Variants in BACH2 observed in about 807,000 individuals in gnomAD.
BACH2 encodes BACH transcriptional regulator 2, also known as transcription regulator protein BACH2.
Under a neutral mutation model 61.8 loss-of-function variants are expected in BACH2, and 5 were observed. The ratio of observed to expected loss-of-function variants is 0.08; its 90% CI spans 0.04 to 0.17. The LOEUF is 0.17. Ranked by LOEUF, BACH2 falls within the 10% of genes least tolerant of loss-of-function variation. The pLI is 1.00. For missense variants in BACH2, 824 were observed against 1,091.1 expected (o/e 0.76, Z 3.45); for synonymous variants, 446 against 440.1 (o/e 1.01, Z -0.17).
intron 4 of BACH2, among the ~76,000 whole-genome samples, chr6:90,188,620 G>T (rs1768442541): frequency 6.6e-6 from 1 of 151,954 alleles, no homozygotes; most frequent in Admixed American, 6.6e-5. Context: ...CTGATCATTT[G>T]TAAGCTTATT....
chr6:89,976,096 GTA>G (rs1775635630), intron 6 of BACH2, among the ~76,000 whole-genome samples: 1 of 152,184 alleles, frequency 6.6e-6, no homozygotes. Context: ...TCATGCCTGA[GTA>G]TCACTTCTCC....
At chr6:90,157,953 C>G (rs1403500753) in intron 4 of BACH2, among the ~76,000 whole-genome samples, 1 of 152,012 alleles carries the variant, frequency 6.6e-6, no homozygotes, top group African/African-American at 2.4e-5. Flanking sequence ...GATAAAATTG[C>G]AACTGTATTA....
intron 4 of BACH2, among the ~76,000 whole-genome samples, chr6:90,133,639 G>C (rs1294800387): frequency 1.3e-5 from 2 of 152,160 alleles, no homozygotes; most frequent in African/African-American, 2.4e-5. Flanking sequence ...GTGCTGCACT[G>C]ATTAAGTCGT....
chr6:89,962,983 T>C (rs556294564), intron 6 of BACH2, among the ~76,000 whole-genome samples: 3 of 152,270 alleles, frequency 2.0e-5, no homozygotes, highest in East Asian at 1.9e-4. Context: ...AGGGTTGATA[T>C]ATAAAGAACC....
chr6:90,211,177 A>G (rs1317737605), intron 3 of BACH2, among the ~76,000 whole-genome samples: 1 of 151,714 alleles, frequency 6.6e-6, no homozygotes, highest in African/African-American at 2.4e-5. Context: ...TCTAAGAAGA[A>G]GAGAGAAATG....
intron 4 of BACH2, among the ~76,000 whole-genome samples, chr6:90,180,881 ACAC>A (rs1276088862): frequency 4.6e-5 from 7 of 152,124 alleles, no homozygotes; most frequent in African/African-American, 1.7e-4. Flanking sequence ...ACACACACAC[ACAC>A]ACACACATTC....
intron 4 of BACH2, among the ~76,000 whole-genome samples, chr6:90,173,785 T>C (rs1416639029): frequency 1.3e-5 from 2 of 152,132 alleles, no homozygotes; most frequent in African/African-American, 4.8e-5. Context: ...CCAAAATTCA[T>C]CAAACTGTAC....
At chr6:90,243,136 C>T (rs974783789) in intron 3 of BACH2, among the ~76,000 whole-genome samples, 10 of 150,586 alleles carry the variant, frequency 6.6e-5, no homozygotes, top group Admixed American at 4.6e-4. Context: ...TCAGGTGCTC[C>T]GCCCGCCTCA....
chr6:90,151,666 A>G (rs1319812067), intron 4 of BACH2, among the ~76,000 whole-genome samples: 1 of 152,198 alleles, frequency 6.6e-6, no homozygotes, highest in Non-Finnish European at 1.5e-5. Context: ...GGTAGGAACT[A>G]TGTGATTTTC....
At chr6:90,129,470 T>G (rs1784005912) in intron 4 of BACH2, among the ~76,000 whole-genome samples, 1 of 152,050 alleles carries the variant, frequency 6.6e-6, no homozygotes, top group Non-Finnish European at 1.5e-5. Flanking sequence ...CAGGCCATGG[T>G]GTGTGTTGTT....
chr6:89,963,244 G>A (rs533253033), intron 6 of BACH2, among the ~76,000 whole-genome samples: 1 of 152,146 alleles, frequency 6.6e-6, no homozygotes, highest in African/African-American at 2.4e-5. Flanking sequence ...AAGTGTCAGC[G>A]AGGCCGTGGA....
intron 5 of BACH2, among the ~76,000 whole-genome samples, chr6:90,028,270 G>T (rs1778739834): frequency 1.3e-5 from 2 of 152,124 alleles, no homozygotes; most frequent in African/African-American, 4.8e-5. Context: ...TGCTCTTATG[G>T]GCACTTAGCC....
intron 4 of BACH2, among the ~76,000 whole-genome samples, chr6:90,101,027 T>C (rs768476372): frequency 2.0e-5 from 3 of 152,222 alleles, no homozygotes; most frequent in Admixed American, 6.5e-5. Flanking sequence ...TTCATTCACT[T>C]ACTGGCCATT....
At chr6:90,047,567 T>C (rs887381129) in intron 5 of BACH2, among the ~76,000 whole-genome samples, 15 of 152,328 alleles carry the variant, frequency 9.8e-5, no homozygotes, top group African/African-American at 3.6e-4. Context: ...GTATCCTTGA[T>C]GAAGCTGAGC....
chr6:89,957,654 A>C (rs1280172149), intron 6 of BACH2, among the ~76,000 whole-genome samples: 1 of 152,028 alleles, frequency 6.6e-6, no homozygotes, highest in East Asian at 1.9e-4. Flanking sequence ...GATTCTCCCA[A>C]CTCAGCCTCT....
chr6:90,043,809 A>G (rs1224012079), intron 5 of BACH2, among the ~76,000 whole-genome samples: 9 of 152,174 alleles, frequency 5.9e-5, no homozygotes, highest in Admixed American at 5.9e-4. Flanking sequence ...TCCTGCAGGC[A>G]CAGTTGGGAG....
At chr6:90,225,012 C>T (rs1769863843) in intron 3 of BACH2, among the ~76,000 whole-genome samples, 1 of 152,158 alleles carries the variant, frequency 6.6e-6, no homozygotes, top group Non-Finnish European at 1.5e-5. Flanking sequence ...ATTCATTCAA[C>T]AATTTACTGA....
At chr6:90,085,431 A>C (rs1416314824) in intron 5 of BACH2, among the ~76,000 whole-genome samples, 1 of 152,170 alleles carries the variant, frequency 6.6e-6, no homozygotes, top group Non-Finnish European at 1.5e-5. Context: ...CTGGTTTACA[A>C]ACACCCATCT....
intron 4 of BACH2, among the ~76,000 whole-genome samples, chr6:90,119,060 A>G (rs1783517560): frequency 6.6e-6 from 1 of 152,240 alleles, no homozygotes; most frequent in South Asian, 2.1e-4. Context: ...AATTAAATAT[A>G]TGTTATCATC....
Sources: allele counts gnomAD v4.1 joint callset (sites outside exome capture counted in the v4.1 genomes callset), GRCh38; gene constraint gnomAD v4.1.1; transcripts MANE v1.5; gene names NCBI Gene and HGNC (gene_info 2026-07-23, HGNC 2026-07-21).